Variants in CBFB observed in about 807,000 individuals in gnomAD.
CBFB encodes the protein core-binding factor subunit beta.
Under a neutral mutation model 30.4 loss-of-function variants are expected in CBFB, and 9 were observed. That is an observed-to-expected ratio of 0.30 (90% CI 0.18 to 0.52). CBFB has a LOEUF of 0.52. Ranked by LOEUF, CBFB falls within the 20% of genes least tolerant of loss-of-function variation. The pLI, the probability that CBFB is intolerant of heterozygous loss-of-function variation, is 0.97. For missense variants in CBFB, 170 were observed against 244.0 expected (o/e 0.70, Z 2.02); for synonymous variants, 94 against 84.0 (o/e 1.12, Z -0.65).
chr16:67,065,238 G>A (rs553685895), intron 3 of CBFB, among the ~76,000 whole-genome samples: 2 of 152,330 alleles, frequency 1.3e-5, no homozygotes, highest in East Asian at 3.9e-4. Context: ...AGGTTCACCA[G>A]ATGAGAGATA....
chr16:67,092,527 T>C (rs982413463), intron 5 of CBFB, among the ~76,000 whole-genome samples: 12 of 152,078 alleles, frequency 7.9e-5, no homozygotes, highest in African/African-American at 1.2e-4. Flanking sequence ...TAGGCTGTCA[T>C]CTGCACAATG....
At chr16:67,065,913 C>T (rs996869275) in intron 3 of CBFB, among the ~76,000 whole-genome samples, 7 of 152,038 alleles carry the variant, frequency 4.6e-5, no homozygotes, top group African/African-American at 1.7e-4. Flanking sequence ...AATTAAATTT[C>T]ATAAGTCCCA....
intron 4 of CBFB, among the ~76,000 whole-genome samples, chr16:67,068,482 A>G (rs1961122637): frequency 6.6e-6 from 1 of 152,126 alleles, no homozygotes; most frequent in South Asian, 2.1e-4. Flanking sequence ...TCCTTTCTCT[A>G]AAAAGAAAAA....
intron 4 of CBFB, among the ~76,000 whole-genome samples, chr16:67,072,594 G>A (rs1746804287): frequency 1.3e-5 from 2 of 151,782 alleles, no homozygotes; most frequent in African/African-American, 4.8e-5. Flanking sequence ...AGCCTCCTGA[G>A]TAGCTGGGGT....
At chr16:67,084,725 A>T (rs1488177465) in intron 5 of CBFB, among the ~76,000 whole-genome samples, 2 of 152,184 alleles carry the variant, frequency 1.3e-5, no homozygotes, top group Non-Finnish European at 2.9e-5. Context: ...GCACAAAATT[A>T]TATGTACACT....
chr16:67,071,067 G>A lies in CBFB; in HGVS notation c.399+4269G>A, dbSNP rs183274823. ...GATAATAGGAGTTATACAGTGTATA[G>A]TAAAAAAAATTCAGAGCAGGTGACT... On this transcript the variant is annotated intron_variant, in intron 4 of 5. Transcript: ENST00000412916. 3.0e-4 allele frequency among the ~76,000 whole-genome samples: 45 copies of A among 152,106 alleles called. 1 individual carries two copies. In the East Asian group the frequency reaches 8.5e-3, roughly 29 times the overall value.
intron 3 of CBFB, among the ~76,000 whole-genome samples, chr16:67,045,070 A>G (rs1966598895): frequency 6.6e-6 from 1 of 152,168 alleles, no homozygotes; most frequent in African/African-American, 2.4e-5. Flanking sequence ...CGGAATCATA[A>G]AATTTAGAAC....
In CBFB at chr16:67,100,962, C is replaced by T. The variant is rs911582996; in HGVS notation, c.*2184C>T. ...TTTTCTAAATTCATCTCCATTAAAA[C>T]TTGCCTTAAGCTACCAGATTGCTTT... On this transcript the variant is annotated 3_prime_UTR_variant, in exon 6 of 6. Transcript: ENST00000412916. The T allele has an allele frequency of 2.0e-4, 37 of 188,054 alleles. No homozygotes were observed. The highest frequency in any genetic ancestry group is 8.6e-4 in the African/African-American group (37 of 42,806). The allele number at this position is 188,054 out of a possible 1,614,324, so 11.6% of individuals were successfully genotyped here.
At chr16:67,058,419 G>A (rs1960793537) in intron 3 of CBFB, among the ~76,000 whole-genome samples, 1 of 152,168 alleles carries the variant, frequency 6.6e-6, no homozygotes, top group Non-Finnish European at 1.5e-5. Flanking sequence ...GGGATCACAG[G>A]CGTGAACCAC....
intron 2 of CBFB, among the ~76,000 whole-genome samples, chr16:67,033,823 T>G (rs61664664): frequency 0.057 from 8,059 of 142,620 alleles, 364 homozygotes; most frequent in African/African-American, 0.12. Context: ...ACCGTTGTTT[T>G]TTTTTTTTTT....
chr16:67,091,864 G>A (rs1478925360), intron 5 of CBFB, among the ~76,000 whole-genome samples: 1 of 150,162 alleles, frequency 6.7e-6, no homozygotes, highest in African/African-American at 2.5e-5. Context: ...TGTTGTTGTT[G>A]TTTGTTTGTT....
intron 3 of CBFB, among the ~76,000 whole-genome samples, chr16:67,059,134 A>G (rs1407381914): frequency 6.6e-6 from 1 of 152,190 alleles, no homozygotes; most frequent in Non-Finnish European, 1.5e-5. Context: ...TAGTATTGTA[A>G]AGGAAAAGAC....
At chr16:67,072,312 A>G (rs1158967590) in intron 4 of CBFB, among the ~76,000 whole-genome samples, 1 of 152,214 alleles carries the variant, frequency 6.6e-6, no homozygotes, top group East Asian at 1.9e-4. Flanking sequence ...AATAAAAGTT[A>G]TATCTTTATG....
At chr16:67,057,563 A>G (rs1334551333) in intron 3 of CBFB, among the ~76,000 whole-genome samples, 3 of 152,180 alleles carry the variant, frequency 2.0e-5, no homozygotes, top group African/African-American at 4.8e-5. Context: ...AATGTAATAT[A>G]ACCTGTTTTC....
At chr16:67,046,801 T>G (rs541560994) in intron 3 of CBFB, among the ~76,000 whole-genome samples, 41 of 152,332 alleles carry the variant, frequency 2.7e-4, no homozygotes, top group African/African-American at 9.9e-4. Context: ...AGAGACTTTG[T>G]TTCTTCAATA....
At chr16:67,087,334 T>C (rs927823993) in intron 5 of CBFB, among the ~76,000 whole-genome samples, 7 of 152,172 alleles carry the variant, frequency 4.6e-5, no homozygotes, top group Non-Finnish European at 5.9e-5. Context: ...TGAGGGAGGA[T>C]TGCTTGAGCC....
rs572402739 is a variant in CBFB, at chr16:67,099,473, C to G, written c.*695C>G. ...CTCGCAGTGTTGCCCAGGCTGGTCT[C>G]GAACTCCTGGCATCAAGCGATCCTC... On this transcript the variant is annotated 3_prime_UTR_variant, in exon 6 of 6. Transcript: ENST00000412916. 1 of 202,244 alleles carries G rather than the reference C, an allele frequency of 4.9e-6. No individual in the cohort carries two copies. Among genetic ancestry groups the G allele is most frequent in the Non-Finnish European group, 1.0e-5 (1 of 98,740 alleles). 12.5% of individuals were successfully genotyped at this position (202,244 alleles called of 1,614,324 possible). A position where few individuals can be genotyped will look rare whatever the true frequency, so the allele number is the denominator to read the frequency against.
chr16:67,032,080 C>G (rs780656324), intron 2 of CBFB, among the ~76,000 whole-genome samples: 3 of 152,144 alleles, frequency 2.0e-5, no homozygotes, highest in Admixed American at 6.5e-5. Flanking sequence ...TTTCTGTCAT[C>G]TCAGACTTTG....
At chr16:67,030,106 A>G (rs1291122056) in intron 2 of CBFB, 1 of 337,118 alleles carries the variant, frequency 3.0e-6, no homozygotes, top group Non-Finnish European at 5.3e-6. Flanking sequence ...AGGCGGCGAC[A>G]CCGAAGAAGG....
Sources: allele counts gnomAD v4.1 joint callset (sites outside exome capture counted in the v4.1 genomes callset), GRCh38; gene constraint gnomAD v4.1.1; transcripts MANE v1.5; gene names NCBI Gene and HGNC (gene_info 2026-07-23, HGNC 2026-07-21).